GREM1: variants seen among roughly 807,000 people sequenced by gnomAD.
GREM1 encodes the protein gremlin 1, DAN family BMP antagonist.
Under a neutral mutation model 13.1 loss-of-function variants are expected in GREM1, and 6 were observed. The observed-to-expected ratio is 0.46, with a 90% CI of 0.25 to 0.91. The LOEUF is 0.91. GREM1 is among the 40% of genes least tolerant of loss of function. The pLI, the probability that GREM1 is intolerant of heterozygous loss-of-function variation, is 0.18. For synonymous variants in GREM1, 98 were observed against 93.7 expected (o/e 1.05, Z -0.27); for missense variants, 185 against 233.9 (o/e 0.79, Z 1.36).
intron 1 of GREM1, among the ~76,000 whole-genome samples, chr15:32,723,841 A>G (rs1187368332): frequency 6.6e-6 from 1 of 152,236 alleles, no homozygotes; most frequent in Admixed American, 6.5e-5. Context: ...GAGAACAGGT[A>G]AAAAGTCAGG....
At position 32,718,113 on chromosome 15, in the gene GREM1, A is replaced by T; in HGVS notation, c.-50A>T. On this transcript the variant is annotated 5_prime_UTR_variant, in exon 1 of 2. Coordinates refer to ENST00000651154, the MANE Select transcript of GREM1 (RefSeq NM_013372.7). ...GGCGGCTCTGGCCGCGGCCGCACTC[A>T]GCGCCACGCGTCGAAAGCGCAGGCC... is the stretch of plus-strand genomic sequence containing the variant. The T allele has an allele frequency of 7.9e-7, 1 of 1,267,174 alleles. No homozygotes were observed. Among genetic ancestry groups the T allele is most frequent in the African/African-American group, 1.5e-5 (1 of 65,692 alleles). 78.5% of individuals were successfully genotyped at this position (1,267,174 alleles called of 1,614,324 possible).
Position 32,743,778 on chromosome 15 carries a change from C to T in GREM1, c.*12533C>T, listed in dbSNP as rs1480179953. On this transcript the variant is annotated 3_prime_UTR_variant, in exon 2 of 2. Transcript: ENST00000651154. The stretch of plus-strand genomic sequence containing the variant: ...TTGGGGGCAGGATTTTTTTTTTTCC[C>T]AGTTGTTCTTCAAAATGAAGTTTCC... 1.3e-5 allele frequency: 2 copies of T among 151,584 alleles called. No homozygotes were observed. Among genetic ancestry groups the T allele is most frequent in the South Asian group, 2.1e-4 (1 of 4,802 alleles). The allele number at this position is 151,584 out of a possible 1,614,324, so 9.4% of individuals were successfully genotyped here. A position where few individuals can be genotyped will look rare whatever the true frequency, so the allele number is the denominator to read the frequency against.
chr15:32,724,061 T>G (rs2055456223), intron 1 of GREM1, among the ~76,000 whole-genome samples: 1 of 152,202 alleles, frequency 6.6e-6, no homozygotes, highest in African/African-American at 2.4e-5. Flanking sequence ...CAAATTTTTA[T>G]AAGCACCTGC....
At chr15:32,719,190 T>G (rs1218855160) in intron 1 of GREM1, among the ~76,000 whole-genome samples, 1 of 152,228 alleles carries the variant, frequency 6.6e-6, no homozygotes, top group Non-Finnish European at 1.5e-5. Context: ...GGAGGTATAT[T>G]GGGGCTGTCA....
In GREM1 at chr15:32,733,030, G is replaced by C. The variant is rs1015158196; in HGVS notation, c.*1785G>C. The C allele has an allele frequency of 4.4e-6, 1 of 228,680 alleles. No individual in the cohort carries two copies. The highest frequency in any genetic ancestry group is 5.8e-5 in the Admixed American group (1 of 17,128). The allele number at this position is 228,680 out of a possible 1,614,324, so 14.2% of individuals were successfully genotyped here. A position where few individuals can be genotyped will look rare whatever the true frequency, so the allele number is the denominator to read the frequency against. ...TTTATTTCGTTTTTGTTTTGATCCA[G>C]TGCTCTCCCATCTAACAACTAAACA... is the stretch of plus-strand genomic sequence containing the variant. On this transcript the variant is annotated 3_prime_UTR_variant, in exon 2 of 2. Transcript: ENST00000651154.
At position 32,736,953 on chromosome 15, in the gene GREM1, C is replaced by G. The variant is rs971012289; in HGVS notation, c.*5708C>G. On this transcript the variant is annotated 3_prime_UTR_variant, in exon 2 of 2. Coordinates refer to ENST00000651154, the MANE Select transcript of GREM1 (RefSeq NM_013372.7). Reference sequence around the variant, plus strand: ...ATGTGAGTAATAAATGTTTCATACTCTCTTGGGGTGTGTGTAACATCATCA... The same window carrying G: ...ATGTGAGTAATAAATGTTTCATACTGTCTTGGGGTGTGTGTAACATCATCA... 1 of 152,186 alleles carries G rather than the reference C, an allele frequency of 6.6e-6. No individual in the cohort carries two copies. Among genetic ancestry groups the G allele is most frequent in the Non-Finnish European group, 1.5e-5 (1 of 68,044 alleles). 9.4% of individuals were successfully genotyped at this position (152,186 alleles called of 1,614,324 possible). A position where few individuals can be genotyped will look rare whatever the true frequency, so the allele number is the denominator to read the frequency against.
In GREM1 at chr15:32,733,516, G is replaced by T. The variant is rs1303740926; in HGVS notation, c.*2271G>T. 4.3e-6 allele frequency: 1 copy of T among 232,658 alleles called. No individual in the cohort carries two copies. Among genetic ancestry groups the T allele is most frequent in the African/African-American group, 2.2e-5 (1 of 44,534 alleles). The allele number at this position is 232,658 out of a possible 1,614,324, so 14.4% of individuals were successfully genotyped here. A position where few individuals can be genotyped will look rare whatever the true frequency, so the allele number is the denominator to read the frequency against. On this transcript the variant is annotated 3_prime_UTR_variant, in exon 2 of 2. Transcript: ENST00000651154. ...AGTGCAGATTTGGCTCAAGTAAAGA[G>T]AATTTCCTCAACACTAACTTCACTG...
At chr15:32,726,340 C>T (rs2055503830) in intron 1 of GREM1, among the ~76,000 whole-genome samples, 1 of 152,250 alleles carries the variant, frequency 6.6e-6, no homozygotes, top group Non-Finnish European at 1.5e-5. Flanking sequence ...GATTAAGAAA[C>T]TTACTGAAAA....
intron 1 of GREM1, among the ~76,000 whole-genome samples, chr15:32,726,628 C>A: frequency 6.7e-6 from 1 of 149,542 alleles, no homozygotes; most frequent in African/African-American, 2.5e-5. Flanking sequence ...TAGCAGAAGA[C>A]AAGAAATAAC....
chr15:32,727,687 G>C (rs1351867810), intron 1 of GREM1, among the ~76,000 whole-genome samples: 1 of 152,162 alleles, frequency 6.6e-6, no homozygotes, highest in Non-Finnish European at 1.5e-5. Context: ...AATAGGAAGA[G>C]AGGAAGTCAA....
rs945526115 is a variant in GREM1 at position 32,731,608 on chromosome 15, C to A, written c.*363C>A. On this transcript the variant is annotated 3_prime_UTR_variant, in exon 2 of 2. Coordinates refer to ENST00000651154, the MANE Select transcript of GREM1 (RefSeq NM_013372.7). ...CCTCCTGGGGACCAGAATCTCCTTT[C>A]GGAATGAATGTTCATGGAAGAGGCT... is the stretch of plus-strand genomic sequence containing the variant. 1.9e-5 allele frequency: 6 copies of A among 320,266 alleles called. No individual in the cohort carries two copies. The highest frequency in any genetic ancestry group is 1.8e-4 in the Admixed American group (4 of 21,628). The allele number at this position is 320,266 out of a possible 1,614,324, so 19.8% of individuals were successfully genotyped here. A position where few individuals can be genotyped will look rare whatever the true frequency, so the allele number is the denominator to read the frequency against.
chr15:32,718,073 C>A lies in GREM1; in HGVS notation c.-90C>A. The A allele has an allele frequency of 8.2e-7, 1 of 1,217,118 alleles. No homozygotes were observed. Among genetic ancestry groups the A allele is most frequent in the Non-Finnish European group, 1.0e-6 (1 of 965,890 alleles). The allele number at this position is 1,217,118 out of a possible 1,614,324, so 75.4% of individuals were successfully genotyped here. ...CCGCGTCACTCTCGGTCCCGCTGAC[C>A]CCGCGCCGAGCCCCGGCGGCTCTGG... On this transcript the variant is annotated 5_prime_UTR_variant, in exon 1 of 2. Transcript: ENST00000651154.
chr15:32,728,182 C>T (rs546583262), intron 1 of GREM1, among the ~76,000 whole-genome samples: 8 of 152,250 alleles, frequency 5.3e-5, no homozygotes, highest in Admixed American at 3.9e-4. Flanking sequence ...ATAGCCAAGA[C>T]GATCCTAAGC....
Position 32,742,879 on chromosome 15 carries a change from T to A in GREM1, c.*11634T>A, listed in dbSNP as rs556783053. On this transcript the variant is annotated 3_prime_UTR_variant, in exon 2 of 2. Coordinates refer to ENST00000651154, the MANE Select transcript of GREM1 (RefSeq NM_013372.7). The stretch of plus-strand genomic sequence containing the variant: ...TACCAAAAATCAACTCAAAATGGAT[T>A]ATTTAAATGTAAGACTTGAAACAGT... 1.3e-5 allele frequency: 2 copies of A among 152,320 alleles called. No individual in the cohort carries two copies. Among genetic ancestry groups the A allele is most frequent in the South Asian group, 4.1e-4 (2 of 4,824 alleles). The allele number at this position is 152,320 out of a possible 1,614,324, so 9.4% of individuals were successfully genotyped here.
intron 1 of GREM1, among the ~76,000 whole-genome samples, chr15:32,725,862 C>T (rs531265998): frequency 9.9e-5 from 15 of 152,020 alleles, no homozygotes; most frequent in African/African-American, 3.6e-4. Flanking sequence ...TATGGCTAGC[C>T]GGTTTTCCCA....
rs2055571287 is a variant in GREM1, at chr15:32,729,352, A to C, written c.-1-1338A>C. 2.1e-5 allele frequency among the ~76,000 whole-genome samples: 3 copies of C among 146,256 alleles called. No homozygotes were observed. In the South Asian group the frequency reaches 6.9e-4, roughly 34 times the overall value. On this transcript the variant is annotated intron_variant, in intron 1 of 1. Coordinates refer to ENST00000651154, the MANE Select transcript of GREM1 (RefSeq NM_013372.7). ...AATTGTCTGCACTTTCAAGTCTAAG[A>C]AGCACTGTCCCAGGAGGAAAATCTT... is the stretch of plus-strand genomic sequence containing the variant.
In GREM1 at chr15:32,725,044, GC is replaced by G. The variant is rs34944927; in HGVS notation, c.-1-5645del. On this transcript the variant is annotated intron_variant, in intron 1 of 1. Transcript: ENST00000651154. ...GCTTTATCCAGTCTATCATTGATGAGCACTTGGGTTGGCTCCAAGTCTTTGC... is the reference window on the plus strand; with the variant it reads ...GCTTTATCCAGTCTATCATTGATGAGACTTGGGTTGGCTCCAAGTCTTTGC... 0.49 allele frequency among the ~76,000 whole-genome samples: 74,923 copies of G among 151,846 alleles called. 19,565 individuals carry two copies. The highest frequency in any genetic ancestry group is 0.59 in the Middle Eastern group (172 of 294).
At chr15:32,730,651 T>C in intron 1 of GREM1, 39 bp from the exon 2 acceptor site, 2 of 1,389,232 alleles carry the variant, frequency 1.4e-6, no homozygotes, top group Non-Finnish European at 2.0e-6. Context: ...AACTTTGCCA[T>C]GTTTTGTGTC....
rs373252623 is a variant in GREM1, at chr15:32,733,693, C to T, written c.*2448C>T. On this transcript the variant is annotated 3_prime_UTR_variant, in exon 2 of 2. Coordinates refer to ENST00000651154, the MANE Select transcript of GREM1 (RefSeq NM_013372.7). Reference sequence around the variant, plus strand: ...TGCCATATCTATACCATATTTTATTCGAGTCACTGATGATGTAATGATATA... The same window carrying T: ...TGCCATATCTATACCATATTTTATTTGAGTCACTGATGATGTAATGATATA... The T allele has an allele frequency of 2.2e-3, 492 of 226,734 alleles. 8 individuals carry two copies. In the South Asian group the frequency reaches 0.043, roughly 20 times the overall value. The allele number at this position is 226,734 out of a possible 1,614,324, so 14.0% of individuals were successfully genotyped here.
Sources: allele counts gnomAD v4.1 joint callset (sites outside exome capture counted in the v4.1 genomes callset), GRCh38; gene constraint gnomAD v4.1.1; transcripts MANE v1.5; gene names NCBI Gene and HGNC (gene_info 2026-07-23, HGNC 2026-07-21).